TUBA4A: variants seen among roughly 807,000 people sequenced by gnomAD.
TUBA4A encodes tubulin alpha-4A chain.
In TUBA4A, 23 loss-of-function variants were observed where a neutral mutation model predicts 34.3. That is an observed-to-expected ratio of 0.67 (90% CI 0.48 to 0.95). TUBA4A has a LOEUF of 0.95. TUBA4A is among the 40% of genes least tolerant of loss of function. The pLI is 0.00. For missense variants in TUBA4A, 279 were observed against 599.0 expected (o/e 0.47, Z 5.58); for synonymous variants, 216 against 230.5 (o/e 0.94, Z 0.57).
In TUBA4A at chr2:219,252,891, G is replaced by T; in HGVS notation, c.4-661C>A. 2.1e-6 allele frequency: 1 copy of T among 473,032 alleles called. No homozygotes were observed. Among genetic ancestry groups the T allele is most frequent in the Non-Finnish European group, 4.4e-6 (1 of 228,432 alleles). 29.3% of individuals were successfully genotyped at this position (473,032 alleles called of 1,614,324 possible). A position where few individuals can be genotyped will look rare whatever the true frequency, so the allele number is the denominator to read the frequency against. ...GGGTACTGGGGCGCTCACTGCCTTA[G>T]GCTCCGTCCCTGTCAGCCCGAAATT... On this transcript the variant is annotated intron_variant, in intron 1 of 3. Coordinates refer to ENST00000248437, the MANE Select transcript of TUBA4A (RefSeq NM_006000.3). This position sits in a 1 kb window ranked among gnomAD's most constrained non-coding sequence, Gnocchi z 4.1.
In TUBA4A at chr2:219,251,290, C is replaced by G. The variant is rs781745194; in HGVS notation, c.409G>C (p.Val137Leu). Reference sequence around the variant, plus strand: ...GTGCCCCCACCAAAGCTGTGGAACACCAGGAAGCCCTGAAGTCCTGTGCAC... The same window carrying G: ...GTGCCCCCACCAAAGCTGTGGAACAGCAGGAAGCCCTGAAGTCCTGTGCAC... ...DQCTGLQGFL[V>L]FHSFGGGTGS... Residue 137 changes from valine to leucine, a missense_variant, in exon 4 of 4, where the codon GTG becomes CTG. By Grantham distance (32) the Val-to-Leu change is conservative. Around this residue, in one of 3 missense-constraint regions of TUBA4A, gnomAD observed 108 missense variants for 299.9 expected, o/e 0.36. Transcript: ENST00000248437. The surrounding 1 kb of genome is among the most constrained non-coding windows in gnomAD (Gnocchi z 6.1). The G allele has an allele frequency of 6.2e-7, 1 of 1,613,234 alleles. No individual in the cohort carries two copies. Among genetic ancestry groups the G allele is most frequent in the Non-Finnish European group, 8.5e-7 (1 of 1,179,432 alleles).
chr2:219,252,221 T>C lies in TUBA4A; in HGVS notation c.13A>G (p.Ile5Val). ...CCTGCCTGCCCCACGTGGACTGAGATGCATTCACGCTGAGGGATAGAGAGA... is the reference window on the plus strand; with the variant it reads ...CCTGCCTGCCCCACGTGGACTGAGACGCATTCACGCTGAGGGATAGAGAGA... MREC[I>V]SVHVGQAGVQ... The change falls in exon 2 of 4, where the codon ATC (isoleucine) becomes GTC (valine). Residue 5 changes from isoleucine (I) to valine (V), a missense_variant. By Grantham distance (29) the Ile-to-Val change is conservative. Transcript: ENST00000248437. The surrounding 1 kb of genome is among the most constrained non-coding windows in gnomAD (Gnocchi z 4.1). The C allele has an allele frequency of 6.2e-7, 1 of 1,613,720 alleles. No homozygotes were observed.
Position 219,251,893 on chromosome 2 carries a change from AGTACG to A in TUBA4A, c.226+110_226+114del. ...GATCAGCTTGCCTTCTGCAGCTTCAAGTACGGCTAGGAATTTTCAGGGCTAGGAAT... is the reference window on the plus strand; with the variant it reads ...GATCAGCTTGCCTTCTGCAGCTTCAAGCTAGGAATTTTCAGGGCTAGGAAT... On this transcript the variant is annotated intron_variant, in intron 2 of 3. Coordinates refer to ENST00000248437, the MANE Select transcript of TUBA4A (RefSeq NM_006000.3). This position sits in a 1 kb window ranked among gnomAD's most constrained non-coding sequence, Gnocchi z 6.1. 5 of 1,371,244 alleles carry A rather than the reference AGTACG, an allele frequency of 3.6e-6. No homozygotes were observed. The highest frequency in any genetic ancestry group is 5.0e-6 in the Non-Finnish European group (5 of 996,048). The allele number at this position is 1,371,244 out of a possible 1,614,324, so 84.9% of individuals were successfully genotyped here.
intron 1 of TUBA4A, chr2:219,253,023 G>T: frequency 1.4e-6 from 1 of 700,148 alleles, no homozygotes; most frequent in Non-Finnish European, 2.4e-6. Context: ...CCTGCGGTGA[G>T]GCCCCAGAGG....
In TUBA4A at chr2:219,251,275, C is replaced by A; in HGVS notation, c.424G>T (p.Gly142Cys). The A allele has an allele frequency of 6.2e-7, 1 of 1,613,820 alleles. No homozygotes were observed. Among genetic ancestry groups the A allele is most frequent in the Non-Finnish European group, 8.5e-7 (1 of 1,179,828 alleles). ...GTGAAGCCAGAGCCAGTGCCCCCAC[C>A]AAAGCTGTGGAACACCAGGAAGCCC... ...LQGFLVFHSF[G>C]GGTGSGFTSL... The change falls in exon 4 of 4, where the codon GGT becomes TGT. Residue 142 changes from glycine to cysteine, a missense_variant. Physicochemically the swap from Gly to Cys is radical, Grantham distance 159. Around this residue, in one of 3 missense-constraint regions of TUBA4A, gnomAD observed 108 missense variants for 299.9 expected, o/e 0.36. Transcript: ENST00000248437. This position sits in a 1 kb window ranked among gnomAD's most constrained non-coding sequence, Gnocchi z 6.1.
In TUBA4A at chr2:219,251,662, A is replaced by T; in HGVS notation, c.278T>A (p.Ile93Asn). ...GTTGGCAGCATCCTCTTTCCCAGTG[A>T]TGAGCTGCTCTGGGTGGAAGAGCTG... is the stretch of plus-strand genomic sequence containing the variant. ...YRQLFHPEQLITGKEDAANNY... is the reference protein window; with the variant it reads ...YRQLFHPEQLNTGKEDAANNY... The change falls in exon 3 of 4, where the codon ATC (isoleucine) becomes AAC (asparagine). Residue 93 changes from isoleucine to asparagine, a missense_variant. Around this residue, in one of 3 missense-constraint regions of TUBA4A, gnomAD observed 98 missense variants for 171.1 expected, o/e 0.57. Transcript: ENST00000248437. The surrounding 1 kb of genome is among the most constrained non-coding windows in gnomAD (Gnocchi z 6.1). 1 of 1,614,146 alleles carries T rather than the reference A, an allele frequency of 6.2e-7. No individual in the cohort carries two copies. Among genetic ancestry groups the T allele is most frequent in the Non-Finnish European group, 8.5e-7 (1 of 1,180,008 alleles).
In TUBA4A at chr2:219,253,844, G is replaced by A; in HGVS notation, c.3+12C>T. 1 of 1,508,052 alleles carries A rather than the reference G, an allele frequency of 6.6e-7. No homozygotes were observed. The highest frequency in any genetic ancestry group is 8.8e-7 in the Non-Finnish European group (1 of 1,132,516). The allele number at this position is 1,508,052 out of a possible 1,614,324, so 93.4% of individuals were successfully genotyped here. On this transcript the variant is annotated intron_variant, in intron 1 of 3. Coordinates refer to ENST00000248437, the MANE Select transcript of TUBA4A (RefSeq NM_006000.3). ...TAGGGGACAGGCGCGACCCCGGCCGGGCCGCACTCACCATGGTGAGTCCGG... is the reference window on the plus strand; with the variant it reads ...TAGGGGACAGGCGCGACCCCGGCCGAGCCGCACTCACCATGGTGAGTCCGG...
chr2:219,250,969 A>T lies in TUBA4A; in HGVS notation c.730T>A (p.Phe244Ile). The T allele has an allele frequency of 1.5e-5, 24 of 1,614,172 alleles. No individual in the cohort carries two copies. The highest frequency in any genetic ancestry group is 2.0e-5 in the Non-Finnish European group (24 of 1,180,008). ...IVSSITASLR[F>I]DGALNVDLTE... ...AGGTCCACATTGAGGGCCCCGTCAA[A>T]GCGCAGAGAAGCTGTGATGGAGGAG... The change falls in exon 4 of 4, where the codon TTT (phenylalanine) becomes ATT (isoleucine). Residue 244 changes from phenylalanine (F) to isoleucine (I), a missense_variant. By Grantham distance (21) the Phe-to-Ile change is conservative. Around this residue, in one of 3 missense-constraint regions of TUBA4A, gnomAD observed 108 missense variants for 299.9 expected, o/e 0.36. Transcript: ENST00000248437. The surrounding 1 kb of genome is among the most constrained non-coding windows in gnomAD (Gnocchi z 8.4).
In TUBA4A at chr2:219,252,350, G is replaced by A; in HGVS notation, c.4-120C>T. 1 of 1,005,460 alleles carries A rather than the reference G, an allele frequency of 9.9e-7. No homozygotes were observed. Among genetic ancestry groups the A allele is most frequent in the Admixed American group, 2.1e-5 (1 of 46,914 alleles). The allele number at this position is 1,005,460 out of a possible 1,614,324, so 62.3% of individuals were successfully genotyped here. On this transcript the variant is annotated intron_variant, in intron 1 of 3. Transcript: ENST00000248437. This position sits in a 1 kb window ranked among gnomAD's most constrained non-coding sequence, Gnocchi z 4.1. ...ATGACTCAGTTGGCAAGAGTGGAGG[G>A]TTGGGGCTGGGCAGAGGTGAGAAGA...
chr2:219,253,167 A>G (rs1234499614), intron 1 of TUBA4A: 2 of 1,520,950 alleles, frequency 1.3e-6, no homozygotes, highest in Non-Finnish European at 1.8e-6. Context: ...CCTGGGCTAT[A>G]AATACCACCC....
At chr2:219,253,300 G>C (rs893557545) in intron 1 of TUBA4A, 10 of 1,514,748 alleles carry the variant, frequency 6.6e-6, no homozygotes, top group Non-Finnish European at 8.8e-6. Context: ...CGCTTCAGGA[G>C]GCCGAACCCC....
upstream of TUBA4A, chr2:219,253,988 T>G: frequency 3.0e-6 from 3 of 1,009,994 alleles, no homozygotes; most frequent in East Asian, 3.3e-5. Context: ...GCTCGCCCAC[T>G]AGAGGCTGGG....
In TUBA4A at chr2:219,251,297, G is replaced by A; in HGVS notation, c.402C>T (p.Gly134=). The change falls in exon 4 of 4, where the codon GGC becomes GGT. Residue 134 remains glycine, a synonymous_variant. Coordinates refer to ENST00000248437, the MANE Select transcript of TUBA4A (RefSeq NM_006000.3). The surrounding 1 kb of genome is among the most constrained non-coding windows in gnomAD (Gnocchi z 6.1). ...KLSDQCTGLQ[G]FLVFHSFGGG... The stretch of plus-strand genomic sequence containing the variant: ...CACCAAAGCTGTGGAACACCAGGAA[G>A]CCCTGAAGTCCTGTGCACTGGTCAG... The A allele has an allele frequency of 6.2e-7, 1 of 1,612,900 alleles. No individual in the cohort carries two copies. The highest frequency in any genetic ancestry group is 1.1e-5 in the South Asian group (1 of 90,954).
At chr2:219,254,537 C>G (rs1479322316), upstream of TUBA4A, 2 of 152,328 alleles carry the variant, frequency 1.3e-5, no homozygotes, top group Non-Finnish European at 2.9e-5. Flanking sequence ...AGCCCCGCAG[C>G]CTGTCTGCCG....
chr2:219,252,241 G>A lies in TUBA4A; in HGVS notation c.4-11C>T, dbSNP rs745978657. The A allele has an allele frequency of 9.9e-6, 16 of 1,608,946 alleles. 1 individual carries two copies. In the South Asian group the frequency reaches 1.8e-4, roughly 18 times the overall value. On this transcript the variant is annotated splice_polypyrimidine_tract_variant and intron_variant, in intron 1 of 3. Coordinates refer to ENST00000248437, the MANE Select transcript of TUBA4A (RefSeq NM_006000.3). This position sits in a 1 kb window ranked among gnomAD's most constrained non-coding sequence, Gnocchi z 4.1. ...TGAGATGCATTCACGCTGAGGGATA[G>A]AGAGAGGGGACACAGCATGAGCCCC... is the stretch of plus-strand genomic sequence containing the variant.
In TUBA4A at chr2:219,253,886, T is replaced by C; in HGVS notation, c.-28A>G. On this transcript the variant is annotated 5_prime_UTR_variant, in exon 1 of 4. Transcript: ENST00000248437. ...TGAGTCCGGGCGGTGCGTCTCACGT[T>C]GAGTCGGGGTGACAGGTCTCAGTGA... 1.4e-6 allele frequency: 2 copies of C among 1,427,976 alleles called. No homozygotes were observed. The highest frequency in any genetic ancestry group is 6.3e-5 in the Admixed American group (2 of 31,516). The allele number at this position is 1,427,976 out of a possible 1,614,324, so 88.5% of individuals were successfully genotyped here. A position where few individuals can be genotyped will look rare whatever the true frequency, so the allele number is the denominator to read the frequency against.
In TUBA4A at chr2:219,252,065, C is replaced by G. The variant is rs747219812; in HGVS notation, c.169G>C (p.Gly57Arg). Residue 57 changes from glycine to arginine, a missense_variant, in exon 2 of 4, where the codon GGT (glycine) becomes CGT (arginine). Physicochemically the swap from Gly to Arg is moderately radical, Grantham distance 125. Around this residue, in one of 3 missense-constraint regions of TUBA4A, gnomAD observed 98 missense variants for 171.1 expected, o/e 0.57. Transcript: ENST00000248437. The surrounding 1 kb of genome is among the most constrained non-coding windows in gnomAD (Gnocchi z 4.1). ...GCCCGGGGTACGTGTTTTCCAGCACCAGTTTCACAGAAGAAGGTGGTGAAG... is the reference window on the plus strand; with the variant it reads ...GCCCGGGGTACGTGTTTTCCAGCACGAGTTTCACAGAAGAAGGTGGTGAAG... ...DSFTTFFCET[G>R]AGKHVPRAVF... 6.2e-7 allele frequency: 1 copy of G among 1,614,166 alleles called. No individual in the cohort carries two copies. The highest frequency in any genetic ancestry group is 8.5e-7 in the Non-Finnish European group (1 of 1,180,026).
In TUBA4A at chr2:219,252,765, C is replaced by T. The variant is rs1454319833; in HGVS notation, c.4-535G>A. Reference sequence around the variant, plus strand: ...CTCTCCCCACCTCCACCCCCGCACCCTGGGTGTCTTCACCACTTTCATCTC... The same window carrying T: ...CTCTCCCCACCTCCACCCCCGCACCTTGGGTGTCTTCACCACTTTCATCTC... On this transcript the variant is annotated intron_variant, in intron 1 of 3. Transcript: ENST00000248437. The surrounding 1 kb of genome is among the most constrained non-coding windows in gnomAD (Gnocchi z 4.1). The T allele has an allele frequency of 2.1e-6, 1 of 471,996 alleles. No individual in the cohort carries two copies. Among genetic ancestry groups the T allele is most frequent in the East Asian group, 6.9e-5 (1 of 14,396 alleles). The allele number at this position is 471,996 out of a possible 1,614,324, so 29.2% of individuals were successfully genotyped here.
Position 219,251,587 on chromosome 2 carries a change from A to G in TUBA4A, c.353T>C (p.Val118Ala). ...YTIGKEIIDPVLDRIRKLSDQ... is the reference protein window; with the variant it reads ...YTIGKEIIDPALDRIRKLSDQ... ...CACCAGCTTGCGGATCCGATCCAGC[A>G]CTGGGTCAATGATCTCCTTGCCAAT... The change falls in exon 3 of 4, where the codon GTG becomes GCG. Residue 118 changes from valine to alanine, a missense_variant. Val to Ala is a moderately conservative substitution (Grantham distance 64). Coordinates refer to ENST00000248437, the MANE Select transcript of TUBA4A (RefSeq NM_006000.3). This position sits in a 1 kb window ranked among gnomAD's most constrained non-coding sequence, Gnocchi z 6.1. 1 of 1,614,090 alleles carries G rather than the reference A, an allele frequency of 6.2e-7. No homozygotes were observed. The highest frequency in any genetic ancestry group is 8.5e-7 in the Non-Finnish European group (1 of 1,179,976).
Sources: gnomAD v4.1 joint callset for allele counts on GRCh38, gnomAD v4.1.1 for gene constraint, gnomAD v4.1.1 regional missense constraint, Gnocchi (gnomAD v3.1) non-coding constraint, MANE v1.5 for transcripts, NCBI Gene and HGNC (gene_info 2026-07-23, HGNC 2026-07-21) for gene names.